CHD4: variants seen among roughly 807,000 people sequenced by gnomAD.
The protein encoded by CHD4 is chromodomain helicase DNA binding protein 4, also known as ATP-dependent chromatin remodeler CHD4.
CHD4 carries 35 observed loss-of-function variants against 235.5 expected under a neutral mutation model. The observed-to-expected ratio is 0.15, with a 90% confidence interval of 0.11 to 0.20. The LOEUF is 0.20. CHD4 is among the 10% of genes least tolerant of loss of function. CHD4 has a pLI of 1.00. For synonymous variants in CHD4, 900 were observed against 850.2 expected (o/e 1.06, Z -1.02); for missense variants, 1,329 against 2,432.3 (o/e 0.55, Z 9.54).
intron 33 of CHD4, chr12:6,579,551 TG>T (rs1948136499): frequency 6.8e-6 from 1 of 147,702 alleles, no homozygotes; most frequent in African/African-American, 2.5e-5. Flanking sequence ...ACCACTGCAC[TG>T]CACATCAGCC....
chr12:6,597,037 A>T lies in CHD4; in HGVS notation c.1892+857T>A, dbSNP rs542637169. Among the ~76,000 whole-genome samples the T allele has an allele frequency of 1.2e-4, 18 of 151,276 alleles. No homozygotes were observed. The East Asian group carries it at 2.7e-3, about 23-fold the overall frequency. ...GTAATCCCAGCACTTTGGAAGGAGG[A>T]GGTGAGCGGATCACAAGGTCAGGCG... On this transcript the variant is annotated intron_variant, in intron 12 of 39. Coordinates refer to ENST00000544040, the MANE Select transcript of CHD4 (RefSeq NM_001273.5).
chr12:6,597,364 G>A (rs542671489), intron 12 of CHD4, among the ~76,000 whole-genome samples: 62 of 152,326 alleles, frequency 4.1e-4, no homozygotes, highest in African/African-American at 1.5e-3. Flanking sequence ...ACTTTGGGAA[G>A]CTGAAGCAGA....
chr12:6,588,116 T>C (rs920360739), intron 23 of CHD4, among the ~76,000 whole-genome samples, 167 bp from the exon 24 acceptor site: 1 of 152,190 alleles, frequency 6.6e-6, no homozygotes, highest in Admixed American at 6.6e-5. Context: ...TCTATTATCA[T>C]GTTACCCAAA....
At position 6,591,506 on chromosome 12, in the gene CHD4, G is replaced by A. The variant is rs1380634384; in HGVS notation, c.3300C>T (p.Ile1100=). ...GYKYERIDGG[I]TGNMRQEAID... ...TGGCCTCTTGCCGCATGTTCCCAGT[G>A]ATTCCACCATCGATGCGTTCGTATT... The change falls in exon 22 of 40, where the codon ATC becomes ATT. Residue 1100 remains isoleucine, a synonymous_variant. Coordinates refer to ENST00000544040, the MANE Select transcript of CHD4 (RefSeq NM_001273.5). 1 of 1,614,210 alleles carries A rather than the reference G, an allele frequency of 6.2e-7. No individual in the cohort carries two copies. Among genetic ancestry groups the A allele is most frequent in the Admixed American group, 1.7e-5 (1 of 60,018 alleles).
At chr12:6,577,641 T>C (rs2136196112) in intron 37 of CHD4, 144 bp downstream of exon 37, 2 of 1,059,166 alleles carry the variant, frequency 1.9e-6, no homozygotes, top group East Asian at 2.4e-5. Flanking sequence ...TCAACCCTAA[T>C]GTGTAAGTTA....
intron 25 of CHD4, chr12:6,587,083 T>C (rs1948311634): frequency 8.9e-6 from 3 of 337,594 alleles, no homozygotes; most frequent in Admixed American, 4.6e-5. Context: ...AGAGATGAGG[T>C]AGCATTCAAA....
intron 33 of CHD4, chr12:6,580,744 C>A: frequency 4.2e-5 from 10 of 240,404 alleles, no homozygotes; most frequent in East Asian, 7.8e-5. Flanking sequence ...CACAGTGGCT[C>A]ATGCCTGTAA....
At chr12:6,574,911 CAA>C (rs1197368101) in intron 37 of CHD4, among the ~76,000 whole-genome samples, 1 of 152,184 alleles carries the variant, frequency 6.6e-6, no homozygotes, top group Non-Finnish European at 1.5e-5. Flanking sequence ...TTATATGGCT[CAA>C]GAGCTAAGAA....
At position 6,593,153 on chromosome 12, in the gene CHD4, A is replaced by G; in HGVS notation, c.2590T>C (p.Ser864Pro). 6.2e-7 allele frequency: 1 copy of G among 1,614,226 alleles called. No homozygotes were observed. Among genetic ancestry groups the G allele is most frequent in the Non-Finnish European group, 8.5e-7 (1 of 1,180,042 alleles). The change falls in exon 17 of 40, where the codon TCT becomes CCT. Residue 864 changes from serine to proline, a missense_variant. Ser to Pro is a moderately conservative substitution (Grantham distance 74). Coordinates refer to ENST00000544040, the MANE Select transcript of CHD4 (RefSeq NM_001273.5). This position sits in a 1 kb window ranked among gnomAD's most constrained non-coding sequence, Gnocchi z 4.9. ...LITIDMAILG[S>P]IDWACLIVDE... ...ACGATGAGGCAGGCCCAATCAATAG[A>G]GCCCAAAATAGCCATGTCAATGGTG...
Position 6,578,092 on chromosome 12 carries a change from G to A in CHD4, c.5165C>T (p.Thr1722Ile). The stretch of plus-strand genomic sequence containing the variant: ...ATGCCAGATCTCATAAGTCTTCTTG[G>A]TAACTGTGGCTGCCCGCTCTTCATT... ...WQNEERAATV[T>I]KKTYEIWHRR... The change falls in exon 36 of 40, where the codon ACC (threonine) becomes ATC (isoleucine). Residue 1722 changes from threonine (T) to isoleucine (I), a missense_variant. Thr to Ile is a moderately conservative substitution (Grantham distance 89, BLOSUM62 -1). Around this residue, in one of 26 missense-constraint regions of CHD4, gnomAD observed 135 missense variants for 282.3 expected, o/e 0.48. Transcript: ENST00000544040. 1 of 1,613,274 alleles carries A rather than the reference G, an allele frequency of 6.2e-7. No homozygotes were observed. The highest frequency in any genetic ancestry group is 8.5e-7 in the Non-Finnish European group (1 of 1,180,040).
chr12:6,591,870 T>C, intron 20 of CHD4, 45 bp from the exon 21 acceptor site: 2 of 1,613,914 alleles, frequency 1.2e-6, no homozygotes, highest in Non-Finnish European at 1.7e-6. Context: ...AAAGCCCACA[T>C]GGAGAAGACC....
At chr12:6,574,840 C>A (rs772259594) in intron 37 of CHD4, among the ~76,000 whole-genome samples, 1 of 152,202 alleles carries the variant, frequency 6.6e-6, no homozygotes, top group Non-Finnish European at 1.5e-5. Context: ...TACCTCAAAT[C>A]CAGTAAGTCA....
At chr12:6,573,427 T>C (rs1948013679) in intron 37 of CHD4, 158 bp from the exon 38 acceptor site, 2 of 477,718 alleles carry the variant, frequency 4.2e-6, no homozygotes, top group East Asian at 7.1e-5. Flanking sequence ...AGTTTAACTT[T>C]GCCTTGTAAC....
In CHD4 at chr12:6,578,867, G is replaced by T. The variant is rs754279009; in HGVS notation, c.4960C>A (p.Pro1654Thr). The T allele has an allele frequency of 3.1e-6, 5 of 1,614,118 alleles. No homozygotes were observed. In the Admixed American group the frequency reaches 6.7e-5, roughly 22 times the overall value. The change falls in exon 34 of 40, where the codon CCT becomes ACT. Residue 1654 changes from proline to threonine, a missense_variant. Physicochemically the swap from Pro to Thr is conservative, Grantham distance 38. Transcript: ENST00000544040. ...VEEKSAIDLT[P>T]IVVEDKEEKK... ...CCACCTTTGTCTTCTACCACAATAG[G>T]GGTCAGATCTATTGCTGACTTTTCC...
rs763742420 is a variant in CHD4 at position 6,587,739 on chromosome 12, G to A, written c.3676C>T (p.Leu1226=). The change falls in exon 24 of 40, where the codon CTA becomes TTA. Residue 1226 remains leucine (L), a synonymous_variant. Coordinates refer to ENST00000544040, the MANE Select transcript of CHD4 (RefSeq NM_001273.5). ...DDILKFGTEE[L]FKDEATDGGG... is the part of the protein sequence containing the mutation. ...CCATCAGTGGCTTCATCCTTGAATA[G>A]TTCCTCAGTGCCAAATTTGAGGATA... is the stretch of plus-strand genomic sequence containing the variant. 1 of 1,614,158 alleles carries A rather than the reference G, an allele frequency of 6.2e-7. No homozygotes were observed.
At position 6,582,854 on chromosome 12, in the gene CHD4, A is replaced by G. The variant is rs1461927981; in HGVS notation, c.4230T>C (p.Asn1410=). The G allele has an allele frequency of 2.5e-6, 4 of 1,613,822 alleles. No individual in the cohort carries two copies. Among genetic ancestry groups the G allele is most frequent in the Non-Finnish European group, 3.4e-6 (4 of 1,180,038 alleles). The part of the protein sequence containing the change: ...LPPLLARVGG[N]IEVLGFNARQ... ...AGAATCGTATGGCACTTACTTCAAT[A>G]TTCCCACCAACACGGGCCAACAGAG... Residue 1410 remains asparagine, a synonymous_variant, in exon 28 of 40, where the codon AAT becomes AAC. Transcript: ENST00000544040.
intron 15 of CHD4, among the ~76,000 whole-genome samples, chr12:6,594,031 C>T (rs1592275257): frequency 6.6e-6 from 1 of 152,238 alleles, no homozygotes; most frequent in East Asian, 1.9e-4. Flanking sequence ...GACGGGGTTT[C>T]GCCATGTTGG....
chr12:6,586,197 G>A (rs1036778650), intron 25 of CHD4, among the ~76,000 whole-genome samples: 4 of 151,486 alleles, frequency 2.6e-5, no homozygotes, highest in African/African-American at 9.7e-5. Context: ...AGGAGATCGA[G>A]ACCATCCTGG....
intron 17 of CHD4, 124 bp from the exon 18 acceptor site, chr12:6,592,941 GC>G: frequency 6.6e-7 from 1 of 1,505,352 alleles, no homozygotes; most frequent in Non-Finnish European, 8.9e-7. Flanking sequence ...CTTTTTAAAG[GC>G]CTGGCCACCA....
Sources: gnomAD v4.1 joint callset for allele counts (sites outside exome capture counted in the v4.1 genomes callset) on GRCh38, gnomAD v4.1.1 for gene constraint, gnomAD v4.1.1 regional missense constraint, Gnocchi (gnomAD v3.1) non-coding constraint, MANE v1.5 for transcripts, NCBI Gene and HGNC (gene_info 2026-07-23, HGNC 2026-07-21) for gene names.